Variants in NEK4 observed in about 807,000 individuals in gnomAD.
NEK4 encodes NIMA related kinase 4.
In NEK4, 86 loss-of-function variants were observed where a neutral mutation model predicts 98.4. The observed-to-expected ratio is 0.87, with a 90% CI of 0.73 to 1.05. NEK4 has a LOEUF of 1.05. Among genes scored for constraint, NEK4 ranks in the 50% least tolerant of loss-of-function variants. NEK4 has a pLI of 0.00. For missense variants in NEK4, 898 were observed against 950.3 expected, an observed-to-expected ratio of 0.94 and a Z score of 0.72; for synonymous variants, 328 against 342.2, an observed-to-expected ratio of 0.96 and a Z score of 0.46.
chr3:52,729,126 A>T (rs1561291787), intron 15 of NEK4, among the ~76,000 whole-genome samples: 1 of 151,958 alleles, frequency 6.6e-6, no homozygotes, highest in Non-Finnish European at 1.5e-5. Context: ...GAAGCATGTG[A>T]TCTTTGTGAC....
Position 52,739,700 on chromosome 3 carries a change from C to A in NEK4, c.2094-66G>T, listed in dbSNP as rs1196487920. The stretch of plus-strand genomic sequence containing the variant: ...ATGAGAATTTTTCATTAAAAAATTA[C>A]GTGCAAAACGACCTTTCGGGAATTA... On this transcript the variant is annotated intron_variant, in intron 13 of 15. Coordinates refer to ENST00000233027, the MANE Select transcript of NEK4 (RefSeq NM_003157.6). The A allele has an allele frequency of 8.7e-6, 12 of 1,373,828 alleles. No individual in the cohort carries two copies. In the African/African-American group the frequency reaches 1.7e-4, roughly 20 times the overall value. 85.1% of individuals were successfully genotyped at this position (1,373,828 alleles called of 1,614,324 possible). A position where few individuals can be genotyped will look rare whatever the true frequency, so the allele number is the denominator to read the frequency against.
intron 15 of NEK4, among the ~76,000 whole-genome samples, chr3:52,719,940 T>C (rs529189157): frequency 2.0e-5 from 3 of 152,114 alleles, no homozygotes; most frequent in Admixed American, 6.5e-5. Flanking sequence ...AAGGGCACCA[T>C]TAACTGCACC....
intron 6 of NEK4, among the ~76,000 whole-genome samples, chr3:52,756,431 G>A (rs1209414621): frequency 6.6e-6 from 1 of 152,120 alleles, no homozygotes; most frequent in Non-Finnish European, 1.5e-5. Context: ...ACAGAATGGG[G>A]AACCCAGAAA....
At chr3:52,770,388 A>G (rs1037078203) in intron 1 of NEK4, among the ~76,000 whole-genome samples, 13 of 151,550 alleles carry the variant, frequency 8.6e-5, no homozygotes, top group African/African-American at 2.7e-4. Flanking sequence ...ATAGGCAGAG[A>G]CTGAAAATTT....
chr3:52,753,494 A>G, intron 6 of NEK4: 1 of 422,502 alleles, frequency 2.4e-6, no homozygotes, highest in Non-Finnish European at 4.7e-6. Flanking sequence ...CTGATGACAT[A>G]CTACTGAATT....
intron 14 of NEK4, among the ~76,000 whole-genome samples, chr3:52,738,728 C>T (rs184773154): frequency 1.3e-5 from 2 of 152,222 alleles, no homozygotes; most frequent in East Asian, 3.9e-4. Flanking sequence ...AGGCATGAGC[C>T]ACCGTACCCA....
chr3:52,745,938 G>T, intron 10 of NEK4, 123 bp downstream of exon 10: 1 of 877,448 alleles, frequency 1.1e-6, no homozygotes, highest in Non-Finnish European at 1.8e-6. Flanking sequence ...GCCCAGGCCA[G>T]TCTTGAACTC....
intron 4 of NEK4, among the ~76,000 whole-genome samples, chr3:52,764,562 C>G (rs1698479460): frequency 6.6e-6 from 1 of 151,092 alleles, no homozygotes; most frequent in Non-Finnish European, 1.5e-5. Context: ...ACCCGAGAGG[C>G]AGAGGTTGCA....
At chr3:52,717,646 T>C (rs2097356387) in intron 15 of NEK4, among the ~76,000 whole-genome samples, 1 of 151,980 alleles carries the variant, frequency 6.6e-6, no homozygotes, top group Admixed American at 6.6e-5. Flanking sequence ...TGCTTGGGAA[T>C]AGAAACAGGC....
intron 5 of NEK4, 82 bp downstream of exon 5, chr3:52,763,388 A>T (rs781549124): frequency 8.3e-6 from 11 of 1,324,480 alleles, no homozygotes; most frequent in Non-Finnish European, 1.1e-5. Flanking sequence ...CTCACCATTA[A>T]TTCTTGCATA....
chr3:52,751,864 C>T, intron 7 of NEK4, 68 bp downstream of exon 7: 3 of 1,408,306 alleles, frequency 2.1e-6, no homozygotes, highest in South Asian at 2.7e-5. Context: ...CAACAGAACC[C>T]ACATATTTGT....
chr3:52,739,168 G>C (rs1307533192), intron 14 of NEK4, among the ~76,000 whole-genome samples: 1 of 152,158 alleles, frequency 6.6e-6, no homozygotes, highest in South Asian at 2.1e-4. Flanking sequence ...GGGAGGCCAA[G>C]GTGGGAGGAT....
rs1578710120 is a variant in NEK4 at position 52,766,918 on chromosome 3, G to A, written c.361-543C>T. ...GGAGAATGGCGTGAACCCGGGAAGC[G>A]GAGCTTGCAGTGAGCCAAGATTGCG... On this transcript the variant is annotated intron_variant, in intron 2 of 15. Coordinates refer to ENST00000233027, the MANE Select transcript of NEK4 (RefSeq NM_003157.6). 2.6e-5 allele frequency among the ~76,000 whole-genome samples: 4 copies of A among 152,120 alleles called. No individual in the cohort carries two copies. In the South Asian group the frequency reaches 6.2e-4, roughly 24 times the overall value.
chr3:52,712,850 A>G (rs1320721082), intron 15 of NEK4, among the ~76,000 whole-genome samples: 1 of 152,120 alleles, frequency 6.6e-6, no homozygotes, highest in Non-Finnish European at 1.5e-5. Context: ...TTCTTCTGCT[A>G]ATGTGTTCCT....
At chr3:52,761,867 C>T (rs1698369376) in intron 5 of NEK4, among the ~76,000 whole-genome samples, 1 of 152,202 alleles carries the variant, frequency 6.6e-6, no homozygotes, top group Admixed American at 6.5e-5. Context: ...GATTGGTACA[C>T]TTAGTCCTGC....
At chr3:52,740,497 C>T (rs2097383922) in intron 13 of NEK4, among the ~76,000 whole-genome samples, 1 of 151,964 alleles carries the variant, frequency 6.6e-6, no homozygotes, top group Non-Finnish European at 1.5e-5. Flanking sequence ...AAATGTGAAA[C>T]AGAAAAAAAG....
At chr3:52,714,674 G>A (rs753962367) in intron 15 of NEK4, among the ~76,000 whole-genome samples, 5 of 152,216 alleles carry the variant, frequency 3.3e-5, no homozygotes, top group Non-Finnish European at 5.9e-5. Flanking sequence ...CGCTGGGGGA[G>A]CAGCGTGGTC....
intron 5 of NEK4, among the ~76,000 whole-genome samples, chr3:52,762,363 C>G (rs762586545): frequency 1.3e-5 from 2 of 151,260 alleles, no homozygotes; most frequent in Non-Finnish European, 3.0e-5. Context: ...CATATGCCCT[C>G]TTTTTTTTTA....
intron 15 of NEK4, among the ~76,000 whole-genome samples, chr3:52,726,141 G>A (rs1246852565): frequency 1.3e-5 from 2 of 152,062 alleles, no homozygotes; most frequent in African/African-American, 4.8e-5. Context: ...TATACAGCAA[G>A]AAGATTAGAA....
Sources: allele counts gnomAD v4.1 joint callset (sites outside exome capture counted in the v4.1 genomes callset), GRCh38; gene constraint gnomAD v4.1.1; transcripts MANE v1.5; gene names NCBI Gene and HGNC (gene_info 2026-07-23, HGNC 2026-07-21).